OSBPL9: variants seen among roughly 807,000 people sequenced by gnomAD.
OSBPL9 encodes oxysterol binding protein like 9.
Under a neutral mutation model 106.6 loss-of-function variants are expected in OSBPL9, and 40 were observed. The ratio of observed to expected loss-of-function variants is 0.38; its 90% CI spans 0.29 to 0.49. OSBPL9 has a LOEUF of 0.49. Among genes scored for constraint, OSBPL9 ranks in the 20% least tolerant of loss-of-function variants. The probability of loss-of-function intolerance (pLI) is 0.97; values close to 1 mark genes in which losing one functional copy is unlikely to be tolerated. For synonymous variants in OSBPL9, 269 were observed against 295.4 expected (o/e 0.91, Z 0.92); for missense variants, 609 against 887.2 (o/e 0.69, Z 3.98).
At chr1:51,697,284 T>C (rs1429731942) in intron 3 of OSBPL9, among the ~76,000 whole-genome samples, 2 of 152,084 alleles carry the variant, frequency 1.3e-5, no homozygotes, top group Non-Finnish European at 2.9e-5. Context: ...AGATCATGAA[T>C]TGTTTTATCC....
intron 2 of OSBPL9, among the ~76,000 whole-genome samples, chr1:51,602,015 G>GTTTT (rs1266396456): frequency 6.1e-5 from 1 of 16,318 alleles, no homozygotes; most frequent in Non-Finnish European, 1.3e-4. Flanking sequence ...CATTCTTGGG[G>GTTTT]TTCTTTTTTT....
At chr1:51,709,303 A>G in intron 3 of OSBPL9, 1 of 217,562 alleles carries the variant, frequency 4.6e-6, no homozygotes, top group Non-Finnish European at 9.8e-6. Flanking sequence ...AGCACCATCC[A>G]CTGCTTCCCC....
intron 15 of OSBPL9, among the ~76,000 whole-genome samples, chr1:51,780,130 CTAAT>C (rs1282910068): frequency 6.7e-6 from 1 of 148,780 alleles, no homozygotes; most frequent in Non-Finnish European, 1.5e-5. Context: ...CTCAACATCA[CTAAT>C]TATCAGGGAA....
intron 3 of OSBPL9, among the ~76,000 whole-genome samples, chr1:51,700,578 G>A (rs187470286): frequency 1.8e-4 from 27 of 151,996 alleles, no homozygotes; most frequent in Admixed American, 8.5e-4. Flanking sequence ...CTCATGATTC[G>A]ATTGCAATTA....
the OSBPL9 span, among the ~76,000 whole-genome samples, chr1:51,526,668 T>C: frequency 1.3e-5 from 2 of 152,138 alleles, no homozygotes; most frequent in Non-Finnish European, 2.9e-5. Context: ...CTGTTTTCCA[T>C]TGATGGCATT....
intron 3 of OSBPL9, among the ~76,000 whole-genome samples, chr1:51,692,766 A>G (rs1557696785): frequency 2.0e-5 from 3 of 149,902 alleles, no homozygotes; most frequent in Admixed American, 6.6e-5. Context: ...GGGCTTAGCA[A>G]TCCTCCTACC....
rs940543985 is a variant in OSBPL9, at chr1:51,787,854, C to A, written c.*65C>A. 2.1e-6 allele frequency: 3 copies of A among 1,409,214 alleles called. No individual in the cohort carries two copies. The highest frequency in any genetic ancestry group is 3.0e-6 in the Non-Finnish European group (3 of 996,812). The allele number at this position is 1,409,214 out of a possible 1,614,324, so 87.3% of individuals were successfully genotyped here. On this transcript the variant is annotated 3_prime_UTR_variant, in exon 24 of 24. Transcript: ENST00000428468. ...TAGGCATAATTCAGCAACAAACAAT[C>A]TTCCTTTGGGAGAAACCTGTTCATT...
At chr1:51,613,674 A>G (rs1644004832), upstream of OSBPL9, among the ~76,000 whole-genome samples, 2 of 152,116 alleles carry the variant, frequency 1.3e-5, no homozygotes, top group African/African-American at 4.8e-5. Flanking sequence ...TGCATGTTTC[A>G]TGTCCTGGTT....
intron 7 of OSBPL9, 124 bp downstream of exon 7, chr1:51,748,522 G>T (rs999917657): frequency 3.7e-6 from 4 of 1,080,730 alleles, no homozygotes; most frequent in Non-Finnish European, 4.8e-6. Flanking sequence ...ATATTATACA[G>T]GGGTGCTTAA....
At chr1:51,775,930 C>T (rs856604) in intron 14 of OSBPL9, among the ~76,000 whole-genome samples, 80 of 152,232 alleles carry the variant, frequency 5.3e-4, no homozygotes, top group African/African-American at 1.9e-3. Context: ...GCTTTTAACA[C>T]AGGACCTTGA....
chr1:51,749,548 C>T (rs1279931950), intron 7 of OSBPL9: 1 of 409,118 alleles, frequency 2.4e-6, no homozygotes, highest in South Asian at 1.8e-5. Context: ...TAGCCTCAAG[C>T]GATCCTCCTT....
intron 1 of OSBPL9, among the ~76,000 whole-genome samples, chr1:51,580,551 C>G (rs1490842221): frequency 6.6e-6 from 1 of 151,932 alleles, no homozygotes; most frequent in African/African-American, 2.4e-5. Context: ...ATAAGAGACT[C>G]TATGCTCAAA....
chr1:51,574,081 C>T (rs997510384), upstream of OSBPL9: 4 of 151,982 alleles, frequency 2.6e-5, no homozygotes, highest in African/African-American at 4.8e-5. Flanking sequence ...AAAAAAAGAA[C>T]GTAAAGACAA....
At chr1:51,596,182 C>G (rs898720900) in intron 1 of OSBPL9, among the ~76,000 whole-genome samples, 2 of 148,764 alleles carry the variant, frequency 1.3e-5, no homozygotes, top group Non-Finnish European at 3.0e-5. Flanking sequence ...TTTCTTGAGC[C>G]TGGGAGGTAA....
chr1:51,530,170 CAAAAAAAAA>C, the OSBPL9 span, among the ~76,000 whole-genome samples: 2 of 11,034 alleles, frequency 1.8e-4, no homozygotes, highest in South Asian at 3.4e-3. Flanking sequence ...GACTCTGTCT[CAAAAAAAAA>C]AAAAAAAAAA....
chr1:51,534,715 G>A, the OSBPL9 span, among the ~76,000 whole-genome samples: 1 of 152,178 alleles, frequency 6.6e-6, no homozygotes, highest in Non-Finnish European at 1.5e-5. Context: ...TTTTGCAAGT[G>A]ACGTTTATTA....
intron 15 of OSBPL9, among the ~76,000 whole-genome samples, chr1:51,779,199 A>G (rs1268728779): frequency 6.6e-6 from 1 of 152,234 alleles, no homozygotes; most frequent in Non-Finnish European, 1.5e-5. Context: ...AAACACTAAG[A>G]CCCAGGCACA....
chr1:51,642,581 C>G (rs138606260), intron 1 of OSBPL9, among the ~76,000 whole-genome samples: 6 of 152,306 alleles, frequency 3.9e-5, no homozygotes, highest in African/African-American at 1.4e-4. Flanking sequence ...TTATTTTTCT[C>G]TCCTATGAAG....
chr1:51,641,303 T>G (rs1045091997), intron 1 of OSBPL9, among the ~76,000 whole-genome samples: 3 of 152,180 alleles, frequency 2.0e-5, no homozygotes, highest in African/African-American at 7.2e-5. Flanking sequence ...ATTAATCCCA[T>G]TCATGAGGGC....
Sources: allele counts gnomAD v4.1 joint callset (sites outside exome capture counted in the v4.1 genomes callset), GRCh38; gene constraint gnomAD v4.1.1; transcripts MANE v1.5; gene names NCBI Gene and HGNC (gene_info 2026-07-23, HGNC 2026-07-21).